ATRNL1: variants seen among roughly 807,000 people sequenced by gnomAD.
The protein encoded by ATRNL1 is attractin like 1, also known as attractin-like protein 1.
Under a neutral mutation model 182.7 loss-of-function variants are expected in ATRNL1, and 95 were observed. The observed-to-expected ratio is 0.52, with a 90% CI of 0.44 to 0.62. ATRNL1 has a LOEUF of 0.62. Ranked by LOEUF, ATRNL1 falls within the 20% of genes least tolerant of loss-of-function variation. ATRNL1 has a pLI of 0.00. For synonymous variants in ATRNL1, 576 were observed against 568.3 expected (o/e 1.01, Z -0.19); for missense variants, 1,471 against 1,679.5 (o/e 0.88, Z 2.17).
At chr10:115,870,151 T>G (rs1250631611) in intron 28 of ATRNL1, among the ~76,000 whole-genome samples, 1 of 152,166 alleles carries the variant, frequency 6.6e-6, no homozygotes, top group Non-Finnish European at 1.5e-5. Flanking sequence ...CAGGAAAATT[T>G]TACCAACTTT....
intron 27 of ATRNL1, among the ~76,000 whole-genome samples, chr10:115,800,233 A>G (rs538895857): frequency 6.6e-6 from 1 of 151,826 alleles, no homozygotes; most frequent in African/African-American, 2.4e-5. Flanking sequence ...AAAAAAAAAA[A>G]AGAAGAAGAA....
chr10:115,648,726 T>G (rs1555033483), intron 26 of ATRNL1, among the ~76,000 whole-genome samples: 3 of 152,232 alleles, frequency 2.0e-5, no homozygotes, highest in Non-Finnish European at 4.4e-5. Flanking sequence ...GCTATTCATC[T>G]GTGCACAAAC....
chr10:115,933,495 A>G (rs1288412915), intron 28 of ATRNL1, among the ~76,000 whole-genome samples: 2 of 152,192 alleles, frequency 1.3e-5, no homozygotes, highest in Non-Finnish European at 2.9e-5. Flanking sequence ...GCTGCCGCCC[A>G]CAAGCACACA....
At chr10:115,618,201 G>T (rs1555021466) in intron 26 of ATRNL1, among the ~76,000 whole-genome samples, 25 of 152,106 alleles carry the variant, frequency 1.6e-4, no homozygotes, top group Non-Finnish European at 1.5e-5. Context: ...AGAGCGATAT[G>T]ATAATGGACT....
At position 115,163,363 on chromosome 10, in the gene ATRNL1, T is replaced by G. The variant is rs536807170; in HGVS notation, c.1005-2195T>G. 1.1e-4 allele frequency among the ~76,000 whole-genome samples: 16 copies of G among 151,892 alleles called. No individual in the cohort carries two copies. The South Asian group carries it at 3.3e-3, about 31-fold the overall frequency. On this transcript the variant is annotated intron_variant, in intron 6 of 28. Transcript: ENST00000355044. Reference sequence around the variant, plus strand: ...TATTTTTTCTTTTATTTTCTTGTTTTATTTTATTTGCTTTTTTCTTTTATT... The same window carrying G: ...TATTTTTTCTTTTATTTTCTTGTTTGATTTTATTTGCTTTTTTCTTTTATT...
chr10:115,682,483 G>C lies in ATRNL1; in HGVS notation c.3796-44765G>C, dbSNP rs535011080. On this transcript the variant is annotated intron_variant, in intron 26 of 28. Coordinates refer to ENST00000355044, the MANE Select transcript of ATRNL1 (RefSeq NM_207303.4). The stretch of plus-strand genomic sequence containing the variant: ...ACCTGGTTGGGGGACAGAGGCTGCA[G>C]TGAGCCAAGATCGCACCACTGCACT... Among the ~76,000 whole-genome samples, 36 of 152,246 alleles carry C rather than the reference G, an allele frequency of 2.4e-4. No individual in the cohort carries two copies. In the East Asian group the frequency reaches 7.0e-3, roughly 29 times the overall value.
intron 5 of ATRNL1, among the ~76,000 whole-genome samples, chr10:115,152,096 A>T (rs554485314): frequency 4.6e-5 from 7 of 152,150 alleles, no homozygotes; most frequent in Non-Finnish European, 1.0e-4. Context: ...TACCTGTACC[A>T]TGCTGTTTTG....
At chr10:115,506,461 C>A (rs1850116023) in intron 24 of ATRNL1, among the ~76,000 whole-genome samples, 1 of 151,994 alleles carries the variant, frequency 6.6e-6, no homozygotes, top group African/African-American at 2.4e-5. Context: ...CCCAATTTAG[C>A]TACTTACCTA....
intron 13 of ATRNL1, among the ~76,000 whole-genome samples, chr10:115,270,609 A>C (rs1851819704): frequency 6.6e-6 from 1 of 151,906 alleles, no homozygotes; most frequent in Non-Finnish European, 1.5e-5. Context: ...CCAGGAGTGC[A>C]GATGGTGTAA....
At chr10:115,705,389 G>A (rs782270518) in intron 26 of ATRNL1, among the ~76,000 whole-genome samples, 77 of 151,976 alleles carry the variant, frequency 5.1e-4, no homozygotes, top group Non-Finnish European at 8.2e-4. Context: ...ATTTTAAAAA[G>A]CAGGGAATAT....
chr10:115,933,186 T>C (rs1555122084), intron 28 of ATRNL1, among the ~76,000 whole-genome samples: 1 of 152,220 alleles, frequency 6.6e-6, no homozygotes, highest in African/African-American at 2.4e-5. Flanking sequence ...TGTTCAGAGA[T>C]TGCTAGACAC....
At chr10:115,504,678 A>T (rs1487342216) in intron 24 of ATRNL1, among the ~76,000 whole-genome samples, 1 of 152,134 alleles carries the variant, frequency 6.6e-6, no homozygotes, top group Non-Finnish European at 1.5e-5. Flanking sequence ...TTACTTTACC[A>T]ATAATTTTAA....
At chr10:115,779,673 T>C (rs563211561) in intron 27 of ATRNL1, among the ~76,000 whole-genome samples, 2 of 152,344 alleles carry the variant, frequency 1.3e-5, no homozygotes, top group Admixed American at 1.3e-4. Flanking sequence ...AACTTAATTA[T>C]TTGTGCCTAA....
At chr10:115,159,120 TATC>T (rs1303825231) in intron 5 of ATRNL1, among the ~76,000 whole-genome samples, 15 of 151,804 alleles carry the variant, frequency 9.9e-5, no homozygotes, top group Non-Finnish European at 1.8e-4. Flanking sequence ...AAAACAATAT[TATC>T]ATATTCAGTA....
chr10:115,233,135 A>G (rs531110419), intron 9 of ATRNL1, among the ~76,000 whole-genome samples: 3 of 152,158 alleles, frequency 2.0e-5, no homozygotes, highest in African/African-American at 7.2e-5. Flanking sequence ...TATGTGTCTG[A>G]ACGTGGCCTT....
intron 27 of ATRNL1, among the ~76,000 whole-genome samples, chr10:115,786,516 C>T (rs1317867661): frequency 1.3e-5 from 2 of 152,188 alleles, no homozygotes; most frequent in African/African-American, 4.8e-5. Context: ...CCTTCGTCAT[C>T]ACATGCACTT....
At chr10:115,897,849 A>G (rs1952247443) in intron 28 of ATRNL1, among the ~76,000 whole-genome samples, 1 of 152,146 alleles carries the variant, frequency 6.6e-6, no homozygotes, top group African/African-American at 2.4e-5. Context: ...AATAGGTCAT[A>G]AGTGATCATT....
At chr10:115,549,099 C>T (rs2804180) in intron 25 of ATRNL1, among the ~76,000 whole-genome samples, 4,233 of 151,802 alleles carry the variant, frequency 0.028, 225 homozygotes, top group African/African-American at 0.098. Flanking sequence ...ACATGTGTGA[C>T]GTTTGGATTT....
intron 24 of ATRNL1, among the ~76,000 whole-genome samples, chr10:115,491,710 G>T (rs1554976603): frequency 6.6e-6 from 1 of 152,184 alleles, no homozygotes; most frequent in Non-Finnish European, 1.5e-5. Flanking sequence ...AGCTGAGCCA[G>T]ATCACTTGGC....
Sources: allele counts gnomAD v4.1 joint callset (sites outside exome capture counted in the v4.1 genomes callset), GRCh38; gene constraint gnomAD v4.1.1; transcripts MANE v1.5; gene names NCBI Gene and HGNC (gene_info 2026-07-23, HGNC 2026-07-21).